Variants in NELL1 observed in about 807,000 individuals in gnomAD.
The protein encoded by NELL1 is protein kinase C-binding protein NELL1.
NELL1 carries 76 observed loss-of-function variants against 107.4 expected under a neutral mutation model. That is an observed-to-expected ratio of 0.71 (90% confidence interval 0.59 to 0.86). The LOEUF is 0.86. Among genes scored for constraint, NELL1 ranks in the 40% least tolerant of loss-of-function variants. The pLI is 0.00. For missense variants in NELL1, 1,024 were observed against 1,005.5 expected, an observed-to-expected ratio of 1.02 and a Z score of -0.25; for synonymous variants, 353 against 341.2, an observed-to-expected ratio of 1.03 and a Z score of -0.38.
intron 12 of NELL1, among the ~76,000 whole-genome samples, chr11:21,011,957 T>C (rs1317757426): frequency 2.6e-5 from 4 of 152,182 alleles, no homozygotes; most frequent in African/African-American, 7.2e-5. Context: ...ATCACCGTAA[T>C]GTGAAGTGTA....
At chr11:20,915,712 TATA>T in intron 5 of NELL1, among the ~76,000 whole-genome samples, 1 of 70,040 alleles carries the variant, frequency 1.4e-5, no homozygotes, top group Non-Finnish European at 2.8e-5. Flanking sequence ...TATATATATA[TATA>T]TATTTTTTTT....
chr11:21,538,703 G>A (rs773594696), intron 16 of NELL1, among the ~76,000 whole-genome samples: 1 of 152,082 alleles, frequency 6.6e-6, no homozygotes, highest in Non-Finnish European at 1.5e-5. Context: ...GAAGTTGTGA[G>A]CAATTGCTTT....
At chr11:21,430,461 A>G (rs1204349655) in intron 15 of NELL1, among the ~76,000 whole-genome samples, 2 of 152,148 alleles carry the variant, frequency 1.3e-5, no homozygotes, top group African/African-American at 4.8e-5. Flanking sequence ...TAGCCATTTT[A>G]TCTAAAAATC....
chr11:21,003,311 G>T (rs1852263282), intron 12 of NELL1, among the ~76,000 whole-genome samples: 1 of 152,048 alleles, frequency 6.6e-6, no homozygotes, highest in African/African-American at 2.4e-5. Context: ...TGACAGAGTG[G>T]GGAAATAATT....
At chr11:21,047,014 G>C (rs764241697) in intron 12 of NELL1, among the ~76,000 whole-genome samples, 4 of 151,914 alleles carry the variant, frequency 2.6e-5, no homozygotes, top group Non-Finnish European at 5.9e-5. Context: ...CCAGCACCTG[G>C]GCTATTTACT....
chr11:21,146,230 G>GA (rs199880172), intron 13 of NELL1, among the ~76,000 whole-genome samples: 12 of 148,934 alleles, frequency 8.1e-5, no homozygotes, highest in Middle Eastern at 3.4e-3. Flanking sequence ...TCTGACAGAA[G>GA]AAAAAAAACA....
chr11:21,081,738 T>C (rs983094043), intron 12 of NELL1, among the ~76,000 whole-genome samples: 4 of 152,136 alleles, frequency 2.6e-5, no homozygotes, highest in Admixed American at 2.0e-4. Flanking sequence ...AATACCCTCC[T>C]TTCTGCTCTC....
At chr11:21,363,202 G>T (rs1851125210) in intron 14 of NELL1, among the ~76,000 whole-genome samples, 1 of 152,162 alleles carries the variant, frequency 6.6e-6, no homozygotes, top group African/African-American at 2.4e-5. Flanking sequence ...CTGGTTGCCT[G>T]CCCCGAGGTC....
chr11:21,401,183 C>G (rs1471654536), intron 15 of NELL1, among the ~76,000 whole-genome samples: 2 of 151,724 alleles, frequency 1.3e-5, no homozygotes, highest in Non-Finnish European at 2.9e-5. Context: ...TACAAAGTGT[C>G]TTTTCTATGA....
chr11:21,151,598 A>T (rs2133787326), intron 13 of NELL1, among the ~76,000 whole-genome samples: 1 of 152,330 alleles, frequency 6.6e-6, no homozygotes, highest in Non-Finnish European at 1.5e-5. Context: ...GAAATTTGGA[A>T]TGCCATTAGT....
intron 12 of NELL1, among the ~76,000 whole-genome samples, chr11:21,074,460 G>C (rs1854087223): frequency 6.6e-6 from 1 of 152,112 alleles, no homozygotes. Context: ...TGTAGAAACT[G>C]TATTATATAT....
intron 13 of NELL1, among the ~76,000 whole-genome samples, chr11:21,177,628 A>G (rs141962457): frequency 2.8e-4 from 43 of 151,960 alleles, no homozygotes; most frequent in African/African-American, 8.5e-4. Flanking sequence ...CTTTGGGTAT[A>G]TGCTCAGTAG....
chr11:21,101,263 G>A (rs1448035630), intron 12 of NELL1, among the ~76,000 whole-genome samples: 1 of 152,122 alleles, frequency 6.6e-6, no homozygotes, highest in Non-Finnish European at 1.5e-5. Flanking sequence ...GTTGGTTCCA[G>A]GTCTTTGCTA....
At chr11:21,116,578 C>G (rs1251198516) in intron 13 of NELL1, among the ~76,000 whole-genome samples, 1 of 151,964 alleles carries the variant, frequency 6.6e-6, no homozygotes, top group African/African-American at 2.4e-5. Flanking sequence ...AAACCTCCTT[C>G]TCTCCCAACT....
At chr11:20,851,407 T>C (rs1031202985) in intron 4 of NELL1, among the ~76,000 whole-genome samples, 10 of 152,164 alleles carry the variant, frequency 6.6e-5, no homozygotes, top group South Asian at 4.1e-4. Flanking sequence ...GCTAGAAACA[T>C]AGAAGGAACC....
At chr11:20,998,347 A>G (rs1407554468) in intron 12 of NELL1, among the ~76,000 whole-genome samples, 1 of 152,212 alleles carries the variant, frequency 6.6e-6, no homozygotes, top group African/African-American at 2.4e-5. Context: ...GATATTCTGC[A>G]TTTAGTTTAG....
intron 15 of NELL1, among the ~76,000 whole-genome samples, chr11:21,517,570 G>A (rs570694759): frequency 1.4e-4 from 22 of 152,236 alleles, no homozygotes; most frequent in Non-Finnish European, 2.6e-4. Context: ...ATATGGTAGC[G>A]TATAGACATG....
intron 13 of NELL1, among the ~76,000 whole-genome samples, chr11:21,153,839 C>A (rs1192638279): frequency 6.6e-6 from 1 of 152,088 alleles, no homozygotes; most frequent in Non-Finnish European, 1.5e-5. Flanking sequence ...AAGTCATGCC[C>A]TTTCTACCAC....
chr11:20,878,284 G>T (rs751706880), intron 4 of NELL1, among the ~76,000 whole-genome samples: 59 of 148,232 alleles, frequency 4.0e-4, no homozygotes, highest in Admixed American at 3.0e-3. Context: ...GTGTGAACCC[G>T]TGAGGTGGAG....
Sources: gnomAD v4.1 joint callset for allele counts (sites outside exome capture counted in the v4.1 genomes callset) on GRCh38, gnomAD v4.1.1 for gene constraint, MANE v1.5 for transcripts, NCBI Gene and HGNC (gene_info 2026-07-23, HGNC 2026-07-21) for gene names.